Variants in GPX6 observed in about 807,000 individuals in gnomAD.
The protein encoded by GPX6 is glutathione peroxidase 6 (olfactory).
A neutral mutation model predicts 20.0 loss-of-function variants in GPX6; 21 were observed. The ratio of observed to expected loss-of-function variants is 1.05; its 90% CI spans 0.74 to 1.51. The LOEUF (loss-of-function observed/expected upper bound fraction) is 1.51, where lower values mean the gene tolerates loss of function less well. GPX6 is among the 40% of genes most tolerant of loss of function. The probability of loss-of-function intolerance (pLI) is 0.00; values close to 1 mark genes in which losing one functional copy is unlikely to be tolerated. For synonymous variants in GPX6, 75 were observed against 98.0 expected, an observed-to-expected ratio of 0.77 and a Z score of 1.38; for missense variants, 233 against 254.7, an observed-to-expected ratio of 0.91 and a Z score of 0.58.
chr6:28,512,664 C>T (rs921690518), intron 1 of GPX6, among the ~76,000 whole-genome samples: 1 of 152,176 alleles, frequency 6.6e-6, no homozygotes, highest in Non-Finnish European at 1.5e-5. Flanking sequence ...ACTGTGGGAG[C>T]TTTGTTCTTT....
chr6:28,515,190 C>A (rs2078439), intron 1 of GPX6, among the ~76,000 whole-genome samples: 1 of 152,038 alleles, frequency 6.6e-6, no homozygotes, highest in Non-Finnish European at 1.5e-5. Flanking sequence ...TAGTGCAGAT[C>A]GCAAGCCCAG....
intron 1 of GPX6, among the ~76,000 whole-genome samples, chr6:28,513,302 G>A (rs1762946027): frequency 6.6e-6 from 1 of 152,180 alleles, no homozygotes; most frequent in East Asian, 1.9e-4. Context: ...CCTATGGGTG[G>A]CTGAACTAAG....
chr6:28,507,339 T>C (rs1022257293), intron 2 of GPX6, among the ~76,000 whole-genome samples: 2 of 152,200 alleles, frequency 1.3e-5, no homozygotes, highest in Non-Finnish European at 2.9e-5. Context: ...TCGAAACTCA[T>C]CTCTCTCTTA....
At chr6:28,508,800 C>T (rs1762832530) in intron 2 of GPX6, among the ~76,000 whole-genome samples, 1 of 151,896 alleles carries the variant, frequency 6.6e-6, no homozygotes, top group African/African-American at 2.4e-5. Context: ...GAGCAAGACC[C>T]TGTCTCAAAA....
At chr6:28,510,677 G>C (rs1762854458) in intron 2 of GPX6, 74 bp downstream of exon 2, 9 of 1,502,094 alleles carry the variant, frequency 6.0e-6, no homozygotes, top group Non-Finnish European at 8.2e-6. Context: ...TAACACATTG[G>C]TAAAACCTTC....
chr6:28,508,192 A>G (rs1762825455), intron 2 of GPX6, among the ~76,000 whole-genome samples: 1 of 152,264 alleles, frequency 6.6e-6, no homozygotes, highest in African/African-American at 2.4e-5. Flanking sequence ...ATTAAAACAA[A>G]TTTAAGAGCA....
At chr6:28,513,209 TA>T (rs1422208919) in intron 1 of GPX6, among the ~76,000 whole-genome samples, 2 of 152,176 alleles carry the variant, frequency 1.3e-5, no homozygotes, top group Non-Finnish European at 2.9e-5. Flanking sequence ...ATTCTTCTCG[TA>T]AACCAAGGCA....
intron 1 of GPX6, among the ~76,000 whole-genome samples, chr6:28,514,316 A>G (rs1414851087): frequency 1.3e-5 from 2 of 152,158 alleles, no homozygotes; most frequent in Non-Finnish European, 2.9e-5. Context: ...AATCCTTCCT[A>G]CCCAGTTTTC....
At position 28,510,899 on chromosome 6, in the gene GPX6, A is replaced by G; in HGVS notation, c.93T>C (p.Asp31=). 1 of 1,600,940 alleles carries G rather than the reference A, an allele frequency of 6.2e-7. No individual in the cohort carries two copies. Among genetic ancestry groups the G allele is most frequent in the Non-Finnish European group, 8.5e-7 (1 of 1,172,776 alleles). The change falls in exon 2 of 5, where the codon GAT becomes GAC. Residue 31 remains aspartate, a synonymous_variant. Transcript: ENST00000361902. ...TGGTGCCTGTTACCCCTTTGTTGCAATCCACCTGGAATTTTACAAAAATAA... is the reference window on the plus strand; with the variant it reads ...TGGTGCCTGTTACCCCTTTGTTGCAGTCCACCTGGAATTTTACAAAAATAA... ...QTLKPQNRKV[D]CNKGVTGTIY... is the part of the protein sequence containing the mutation.
chr6:28,514,328 G>T (rs1320030564), intron 1 of GPX6, among the ~76,000 whole-genome samples: 1 of 152,190 alleles, frequency 6.6e-6, no homozygotes, highest in African/African-American at 2.4e-5. Flanking sequence ...CCAGTTTTCA[G>T]TTCTGCTCTA....
At position 28,504,307 on chromosome 6, in the gene GPX6, C is replaced by T. The variant is rs748394869; in HGVS notation, c.651G>A (p.Gln217=). The part of the protein sequence containing the change: ...VKSDILEYLK[Q]FNTH ...CTAGCCCTTCCTAGTGGGTATTGAA[C>T]TGCTTTAGGTACTCCAGGATGTCTG... The change falls in exon 5 of 5, where the codon CAG becomes CAA. Residue 217 remains glutamine, a synonymous_variant. Coordinates refer to ENST00000361902, the MANE Select transcript of GPX6 (RefSeq NM_182701.1). 1.9e-6 allele frequency: 3 copies of T among 1,614,024 alleles called. No individual in the cohort carries two copies. The highest frequency in any genetic ancestry group is 2.2e-5 in the South Asian group (2 of 91,082).
Position 28,512,725 on chromosome 6 carries a change from C to G in GPX6, c.88-1821G>C, listed in dbSNP as rs564852286. On this transcript the variant is annotated intron_variant, in intron 1 of 4. Coordinates refer to ENST00000361902, the MANE Select transcript of GPX6 (RefSeq NM_182701.1). The stretch of plus-strand genomic sequence containing the variant: ...TGCTCATTCTTGGGGTCCACACTGC[C>G]TTTACAAGCTGTAACACTCACCGTG... Among the ~76,000 whole-genome samples, 97 of 152,320 alleles carry G rather than the reference C, an allele frequency of 6.4e-4. 1 individual carries two copies. Among genetic ancestry groups the G allele is most frequent in the Admixed American group, 3.0e-3 (46 of 15,300 alleles).
intron 4 of GPX6, 120 bp from the exon 5 acceptor site, chr6:28,504,618 T>G (rs886969497): frequency 1.2e-6 from 1 of 851,198 alleles, no homozygotes; most frequent in Non-Finnish European, 1.8e-6. Flanking sequence ...TTTTAATATA[T>G]TAACTACTTT....
chr6:28,512,902 G>C (rs923572957), intron 1 of GPX6, among the ~76,000 whole-genome samples: 2 of 152,058 alleles, frequency 1.3e-5, no homozygotes, highest in Admixed American at 6.6e-5. Context: ...TCTTGAGCCA[G>C]CAAGACCACA....
chr6:28,513,323 A>C (rs2113609446), intron 1 of GPX6, among the ~76,000 whole-genome samples: 1 of 152,292 alleles, frequency 6.6e-6, no homozygotes, highest in Admixed American at 6.5e-5. Context: ...AGCACCCTGT[A>C]ACACACGCCC....
chr6:28,513,416 C>T (rs965844365), intron 1 of GPX6, among the ~76,000 whole-genome samples: 3 of 152,138 alleles, frequency 2.0e-5, no homozygotes, highest in Admixed American at 6.6e-5. Flanking sequence ...GTATGCTCCC[C>T]CTCTGCTCCC....
intron 1 of GPX6, among the ~76,000 whole-genome samples, chr6:28,513,415 C>T (rs899140694): frequency 3.9e-5 from 6 of 152,120 alleles, no homozygotes; most frequent in Non-Finnish European, 5.9e-5. Flanking sequence ...TGTATGCTCC[C>T]CCTCTGCTCC....
In GPX6 at chr6:28,506,311, C is replaced by T. The variant is rs201554915; in HGVS notation, c.359+1G>A. ...CTGCAGGGTCCCATGCAAGCACTCA[C>T]TTGAGACCAAGAAGTATTTCTGAGT... On this transcript the variant is annotated splice_donor_variant, in intron 3 of 4. Transcript: ENST00000361902. LOFTEE classifies it high-confidence loss of function. 16 of 1,589,060 alleles carry T rather than the reference C, an allele frequency of 1.0e-5. No homozygotes were observed. The highest frequency in any genetic ancestry group is 1.3e-5 in the Non-Finnish European group (15 of 1,157,206).
intron 1 of GPX6, 23 bp from the exon 2 acceptor site, chr6:28,510,927 A>G: frequency 6.3e-7 from 1 of 1,583,368 alleles, no homozygotes; most frequent in Non-Finnish European, 8.6e-7. Flanking sequence ...AAAAATAACC[A>G]TAACGATATA....
Sources: gnomAD v4.1 joint callset for allele counts (sites outside exome capture counted in the v4.1 genomes callset) on GRCh38, gnomAD v4.1.1 for gene constraint, MANE v1.5 for transcripts, NCBI Gene and HGNC (gene_info 2026-07-23, HGNC 2026-07-21) for gene names.